QTMAN: variants seen among roughly 807,000 people sequenced by gnomAD.
QTMAN encodes the protein queuosine-tRNA mannosyltransferase.
the QTMAN span, among the ~76,000 whole-genome samples, chr2:143,992,425 A>C: frequency 6.8e-6 from 1 of 147,644 alleles, no homozygotes; most frequent in African/African-American, 2.5e-5. Flanking sequence ...TCTGCCTAGG[A>C]AAACCAGAGA....
At chr2:144,131,965 G>A in the QTMAN span, among the ~76,000 whole-genome samples, 2 of 151,948 alleles carry the variant, frequency 1.3e-5, no homozygotes, top group African/African-American at 2.4e-5. Flanking sequence ...TATGCCCAAA[G>A]CTTGGTGAGT....
chr2:144,104,995 A>G, the QTMAN span, among the ~76,000 whole-genome samples: 3 of 152,252 alleles, frequency 2.0e-5, no homozygotes, highest in African/African-American at 4.8e-5. Context: ...CAAGGCAAAC[A>G]GAGTCTGGAG....
At chr2:144,030,868 T>C in the QTMAN span, among the ~76,000 whole-genome samples, 2 of 152,138 alleles carry the variant, frequency 1.3e-5, no homozygotes, top group African/African-American at 4.8e-5. Context: ...CTGTTAATAA[T>C]TGCAGTCAGA....
the QTMAN span, chr2:143,946,189 A>G: frequency 6.6e-6 from 1 of 152,314 alleles, no homozygotes; most frequent in African/African-American, 2.4e-5. Flanking sequence ...TATCAAAATC[A>G]CTGGTTTTGT....
the QTMAN span, among the ~76,000 whole-genome samples, chr2:144,104,722 A>G: frequency 1.3e-5 from 2 of 152,238 alleles, no homozygotes; most frequent in Non-Finnish European, 2.9e-5. Flanking sequence ...ACCTCTGCAG[A>G]CATAAATGTC....
the QTMAN span, among the ~76,000 whole-genome samples, chr2:144,231,516 G>GA: frequency 6.6e-6 from 1 of 151,910 alleles, no homozygotes; most frequent in Non-Finnish European, 1.5e-5. Flanking sequence ...AAAGATAATA[G>GA]CTTTGCTATG....
chr2:144,319,155 C>T, the QTMAN span, among the ~76,000 whole-genome samples: 42 of 152,144 alleles, frequency 2.8e-4, no homozygotes, highest in African/African-American at 1.0e-3. Flanking sequence ...TCTATGGACA[C>T]TAACACCATA....
At chr2:144,100,036 T>C in the QTMAN span, among the ~76,000 whole-genome samples, 1 of 152,052 alleles carries the variant, frequency 6.6e-6, no homozygotes, top group Non-Finnish European at 1.5e-5. Flanking sequence ...GAATGCGAGT[T>C]TAACATATTT....
chr2:144,133,354 A>G, the QTMAN span, among the ~76,000 whole-genome samples: 7 of 38,976 alleles, frequency 1.8e-4, no homozygotes, highest in South Asian at 5.4e-4. Context: ...TTATATATGT[A>G]TATATATAAT....
chr2:144,051,884 A>G, the QTMAN span, among the ~76,000 whole-genome samples: 1 of 152,220 alleles, frequency 6.6e-6, no homozygotes, highest in Non-Finnish European at 1.5e-5. Flanking sequence ...CAGTTTTGCT[A>G]AAGTGGAAGA....
the QTMAN span, among the ~76,000 whole-genome samples, chr2:144,327,341 T>C: frequency 2.0e-5 from 3 of 152,072 alleles, no homozygotes; most frequent in Non-Finnish European, 4.4e-5. Context: ...AGCAAATTAA[T>C]AGAACCTAAA....
the QTMAN span, among the ~76,000 whole-genome samples, chr2:144,182,818 T>TATTA: frequency 3.3e-5 from 2 of 60,064 alleles, no homozygotes; most frequent in East Asian, 4.3e-4. Context: ...AATATATATA[T>TATTA]TATATATATA....
chr2:144,239,116 C>G, the QTMAN span, among the ~76,000 whole-genome samples: 1 of 149,784 alleles, frequency 6.7e-6, no homozygotes. Context: ...TTCTTGAGGG[C>G]CTAACTGCTT....
chr2:144,283,379 C>G, the QTMAN span, among the ~76,000 whole-genome samples: 1 of 152,192 alleles, frequency 6.6e-6, no homozygotes, highest in African/African-American at 2.4e-5. Flanking sequence ...ATTTTGATGA[C>G]CAGAGGTGAA....
At chr2:143,958,672 G>T in the QTMAN span, among the ~76,000 whole-genome samples, 1 of 151,852 alleles carries the variant, frequency 6.6e-6, no homozygotes, top group Non-Finnish European at 1.5e-5. Flanking sequence ...TTTGTGCTAT[G>T]GTTGAGCCCT....
At chr2:144,024,022 T>A in the QTMAN span, among the ~76,000 whole-genome samples, 1 of 152,220 alleles carries the variant, frequency 6.6e-6, no homozygotes, top group Non-Finnish European at 1.5e-5. Context: ...CCTCATAGTG[T>A]CAAAAGCCAG....
chr2:144,030,244 T>A, the QTMAN span, among the ~76,000 whole-genome samples: 1 of 152,152 alleles, frequency 6.6e-6, no homozygotes, highest in Non-Finnish European at 1.5e-5. Context: ...CTTTCCCAAG[T>A]CTCACAATCT....
chr2:144,180,269 T>C, the QTMAN span, among the ~76,000 whole-genome samples: 3 of 152,202 alleles, frequency 2.0e-5, no homozygotes, highest in Non-Finnish European at 4.4e-5. Flanking sequence ...ATTTGATTGA[T>C]GGTATTTTTT....
At chr2:143,974,323 C>T in the QTMAN span, among the ~76,000 whole-genome samples, 1 of 152,110 alleles carries the variant, frequency 6.6e-6, no homozygotes, top group African/African-American at 2.4e-5. Context: ...AACTTTTACC[C>T]AAGTATTGCA....
Sources: allele counts gnomAD v4.1 joint callset (sites outside exome capture counted in the v4.1 genomes callset), GRCh38; gene constraint gnomAD v4.1.1; transcripts MANE v1.5; gene names NCBI Gene and HGNC (gene_info 2026-07-23, HGNC 2026-07-21).